Variants in ADAMTSL1 observed in about 807,000 individuals in gnomAD.
The protein encoded by ADAMTSL1 is ADAMTS-like protein 1.
In ADAMTSL1, 126 loss-of-function variants were observed where a neutral mutation model predicts 201.8. That is an observed-to-expected ratio of 0.62 (90% CI 0.54 to 0.72). ADAMTSL1 has a LOEUF of 0.72. Ranked by LOEUF, ADAMTSL1 falls within the 30% of genes least tolerant of loss-of-function variation. ADAMTSL1 has a pLI of 0.00. For missense variants in ADAMTSL1, 2,679 were observed against 2,277.8 expected (o/e 1.18, Z -3.59); for synonymous variants, 1,121 against 903.4 (o/e 1.24, Z -4.32).
chr9:18,903,063 GGT>G (rs1830100416), intron 26 of ADAMTSL1, among the ~76,000 whole-genome samples: 1 of 152,270 alleles, frequency 6.6e-6, no homozygotes, highest in African/African-American at 2.4e-5. Context: ...AAATTAGCCA[GGT>G]GTGTTGGTGG....
chr9:18,023,479 G>T (rs1437225805), intron 1 of ADAMTSL1, among the ~76,000 whole-genome samples: 1 of 152,106 alleles, frequency 6.6e-6, no homozygotes, highest in Non-Finnish European at 1.5e-5. Flanking sequence ...TGACCAGATG[G>T]GGTCAAGAAC....
At chr9:18,727,931 T>G (rs2133462439) in intron 15 of ADAMTSL1, among the ~76,000 whole-genome samples, 1 of 151,736 alleles carries the variant, frequency 6.6e-6, no homozygotes, top group South Asian at 2.1e-4. Context: ...AATGCAAAAA[T>G]TGGTCGGGTG....
intron 14 of ADAMTSL1, among the ~76,000 whole-genome samples, chr9:18,711,463 C>T (rs1381331196): frequency 6.6e-6 from 1 of 152,256 alleles, no homozygotes; most frequent in Non-Finnish European, 1.5e-5. Flanking sequence ...AGTTCCCTTT[C>T]CTAGTCAAAG....
chr9:18,729,754 G>A (rs972151600), intron 15 of ADAMTSL1, among the ~76,000 whole-genome samples: 4 of 152,144 alleles, frequency 2.6e-5, no homozygotes, highest in Non-Finnish European at 5.9e-5. Flanking sequence ...TGGTCCTGGA[G>A]GGGTCACTCT....
In ADAMTSL1 at chr9:18,892,411, G is replaced by A; in HGVS notation, c.4666G>A (p.Ala1556Thr). 2 of 1,613,342 alleles carry A rather than the reference G, an allele frequency of 1.2e-6. No individual in the cohort carries two copies. Among genetic ancestry groups the A allele is most frequent in the African/African-American group, 1.3e-5 (1 of 75,048 alleles). Residue 1556 changes from alanine to threonine, a missense_variant, in exon 26 of 29, where the codon GCC becomes ACC. Ala to Thr is a moderately conservative substitution (Grantham distance 58). Transcript: ENST00000380548. The part of the protein sequence containing the change: ...PSRWMVTSWS[A>T]CTRSCGGGVQ... ...CAGGTGGATGGTGACCTCCTGGTCT[G>A]CCTGTACCCGGAGCTGTGGGGGAGG... is the stretch of plus-strand genomic sequence containing the variant.
chr9:18,835,259 G>C (rs1216097912), intron 23 of ADAMTSL1, among the ~76,000 whole-genome samples: 4 of 151,998 alleles, frequency 2.6e-5, no homozygotes, highest in Admixed American at 6.6e-5. Flanking sequence ...TTGCCATCCT[G>C]ATTTCTTCTT....
At chr9:18,652,549 A>G (rs1366121013) in intron 7 of ADAMTSL1, among the ~76,000 whole-genome samples, 4 of 152,184 alleles carry the variant, frequency 2.6e-5, no homozygotes, top group Non-Finnish European at 5.9e-5. Context: ...GTACCCATAC[A>G]ACCATTCTTT....
intron 2 of ADAMTSL1, among the ~76,000 whole-genome samples, chr9:18,365,354 A>G (rs1563915106): frequency 6.6e-6 from 1 of 152,178 alleles, no homozygotes; most frequent in Non-Finnish European, 1.5e-5. Flanking sequence ...AAAGCAGCAC[A>G]CTCTTTAGAG....
At chr9:18,367,568 A>G (rs1836826076) in intron 2 of ADAMTSL1, among the ~76,000 whole-genome samples, 1 of 152,006 alleles carries the variant, frequency 6.6e-6, no homozygotes, top group African/African-American at 2.4e-5. Context: ...AATTTAATAT[A>G]CTATGTATAA....
intron 4 of ADAMTSL1, 137 bp from the exon 5 acceptor site, chr9:18,622,106 G>T: frequency 1.8e-6 from 2 of 1,097,198 alleles, no homozygotes; most frequent in East Asian, 2.5e-5. Flanking sequence ...AATTCCAGTT[G>T]AATTCAGTCC....
chr9:18,067,382 A>ACTCCTCTTCCTCCAC (rs148564961), intron 1 of ADAMTSL1, among the ~76,000 whole-genome samples: 42,576 of 151,682 alleles, frequency 0.28, 7,621 homozygotes, highest in Non-Finnish European at 0.39. Context: ...ATTAGCAGAT[A>ACTCCTCTTCCTCCAC]CTCCTCTTCC....
chr9:18,363,190 G>A lies in ADAMTSL1; in HGVS notation c.208-141639G>A, dbSNP rs1220544890. Among the ~76,000 whole-genome samples the A allele has an allele frequency of 3.3e-5, 5 of 152,284 alleles. No individual in the cohort carries two copies. The East Asian group carries it at 7.7e-4, about 24-fold the overall frequency. ...CCTTCTCTTTCCCTGGGAAAAGTTAGTACCTTTCTGTCTAGATGAGGTGTT... is the reference window on the plus strand; with the variant it reads ...CCTTCTCTTTCCCTGGGAAAAGTTAATACCTTTCTGTCTAGATGAGGTGTT... On this transcript the variant is annotated intron_variant, in intron 2 of 29. Transcript: ENST00000680146.
intron 2 of ADAMTSL1, among the ~76,000 whole-genome samples, chr9:18,517,037 A>C (rs1818400594): frequency 6.6e-6 from 1 of 152,212 alleles, no homozygotes; most frequent in African/African-American, 2.4e-5. Context: ...TTAGAGTCCT[A>C]GAGTTTCATA....
chr9:18,146,377 A>T (rs1826642046), intron 1 of ADAMTSL1, among the ~76,000 whole-genome samples: 1 of 152,220 alleles, frequency 6.6e-6, no homozygotes, highest in African/African-American at 2.4e-5. Context: ...ATGAAATACT[A>T]TTCAGCAATA....
chr9:18,760,721 CTCT>C (rs1227044337), intron 16 of ADAMTSL1, among the ~76,000 whole-genome samples: 2 of 152,188 alleles, frequency 1.3e-5, no homozygotes, highest in Non-Finnish European at 1.5e-5. Context: ...TTTCCACCTA[CTCT>C]TCTTCATGGA....
intron 2 of ADAMTSL1, among the ~76,000 whole-genome samples, chr9:18,430,264 G>A (rs1819426633): frequency 6.6e-6 from 1 of 152,178 alleles, no homozygotes; most frequent in Non-Finnish European, 1.5e-5. Context: ...AGATTTTAAA[G>A]TATCTAAGCA....
intron 2 of ADAMTSL1, among the ~76,000 whole-genome samples, chr9:18,205,607 T>C (rs1047407210): frequency 1.3e-5 from 2 of 152,102 alleles, no homozygotes; most frequent in Admixed American, 1.3e-4. Flanking sequence ...AAAAGCAAGC[T>C]AGGTCTCTCT....
At chr9:18,108,616 T>TG (rs1358651705) in intron 1 of ADAMTSL1, among the ~76,000 whole-genome samples, 2 of 152,136 alleles carry the variant, frequency 1.3e-5, no homozygotes, top group Non-Finnish European at 2.9e-5. Context: ...TCTAAATTCT[T>TG]GCATTTATTT....
intron 4 of ADAMTSL1, among the ~76,000 whole-genome samples, chr9:18,615,114 CT>C (rs1825615399): frequency 6.6e-6 from 1 of 152,150 alleles, no homozygotes; most frequent in Admixed American, 6.5e-5. Flanking sequence ...TTCCATTAGG[CT>C]TTTGGAAACA....
Sources: gnomAD v4.1 joint callset for allele counts (sites outside exome capture counted in the v4.1 genomes callset) on GRCh38, gnomAD v4.1.1 for gene constraint, MANE v1.5 for transcripts, NCBI Gene and HGNC (gene_info 2026-07-23, HGNC 2026-07-21) for gene names.